The following FBN2 variants were observed in gnomAD, a reference collection of about 807,000 sequenced individuals.
FBN2 encodes the protein fibrillin-2.
A neutral mutation model predicts 355.6 loss-of-function variants in FBN2; 105 were observed. The ratio of observed to expected loss-of-function variants is 0.30; its 90% CI spans 0.25 to 0.35. The LOEUF is 0.35. Among genes scored for constraint, FBN2 ranks in the 10% least tolerant of loss-of-function variants. The pLI, the probability that FBN2 is intolerant of heterozygous loss-of-function variation, is 1.00. For synonymous variants in FBN2, 1,350 were observed against 1,301.2 expected, an observed-to-expected ratio of 1.04 and a Z score of -0.81; for missense variants, 3,280 against 3,758.7, an observed-to-expected ratio of 0.87 and a Z score of 3.33.
chr5:128,490,376 G>A (rs568341554), intron 5 of FBN2, among the ~76,000 whole-genome samples: 1 of 152,106 alleles, frequency 6.6e-6, no homozygotes, highest in Non-Finnish European at 1.5e-5. Context: ...ATAAATCATG[G>A]AAGCCACAGC....
At chr5:128,476,657 G>T (rs1755011852) in intron 5 of FBN2, among the ~76,000 whole-genome samples, 2 of 151,776 alleles carry the variant, frequency 1.3e-5, no homozygotes, top group Admixed American at 1.3e-4. Flanking sequence ...ATTTGACAGA[G>T]CAAGTAGACA....
intron 5 of FBN2, among the ~76,000 whole-genome samples, chr5:128,479,204 C>T (rs1032050090): frequency 3.3e-5 from 5 of 152,062 alleles, no homozygotes; most frequent in South Asian, 2.1e-4. Context: ...ACTATTTGTA[C>T]GCAATTACAG....
Position 128,393,243 on chromosome 5 carries a change from GGCCATA to G in FBN2, c.1351_1356del (p.Tyr451_Gly452del), listed in dbSNP as rs730880109. 8 of 1,613,984 alleles carry G rather than the reference GGCCATA, an allele frequency of 5.0e-6. No individual in the cohort carries two copies. The highest frequency in any genetic ancestry group is 6.8e-6 in the Non-Finnish European group (8 of 1,180,030). ...ATGGGGATGAAGCCTGTCCCTCCTG[GGCCATA>G]GCCATTGCCATTGCCACTTGGGGCA... is the stretch of plus-strand genomic sequence containing the variant. On this transcript the variant is annotated inframe_deletion, in exon 10 of 65. Coordinates refer to ENST00000262464, the MANE Select transcript of FBN2 (RefSeq NM_001999.4).
chr5:128,490,608 C>T (rs898628552), intron 5 of FBN2, among the ~76,000 whole-genome samples: 1 of 152,108 alleles, frequency 6.6e-6, no homozygotes, highest in Non-Finnish European at 1.5e-5. Flanking sequence ...GTTTATGTCC[C>T]CAAGGGACAC....
At chr5:128,434,400 A>ATATATATGTG (rs1208605065) in intron 7 of FBN2, among the ~76,000 whole-genome samples, 5 of 71,524 alleles carry the variant, frequency 7.0e-5, no homozygotes, top group Non-Finnish European at 1.1e-4. Flanking sequence ...GTGTGTATAT[A>ATATATATGTG]TATATATATA....
At chr5:128,290,522 A>T (rs962187407) in intron 50 of FBN2, among the ~76,000 whole-genome samples, 7 of 152,226 alleles carry the variant, frequency 4.6e-5, no homozygotes, top group Admixed American at 1.3e-4. Flanking sequence ...GGAATGAAAT[A>T]AAAGGGTAAC....
chr5:128,357,167 A>T (rs776015921), intron 20 of FBN2, 109 bp downstream of exon 20: 26 of 1,365,904 alleles, frequency 1.9e-5, no homozygotes, highest in Non-Finnish European at 2.7e-5. Flanking sequence ...CATAATGTGT[A>T]ATTCTTTGCT....
intron 5 of FBN2, among the ~76,000 whole-genome samples, chr5:128,513,007 T>A (rs1361799787): frequency 6.6e-6 from 1 of 152,174 alleles, no homozygotes; most frequent in East Asian, 1.9e-4. Context: ...TAAAGTTACA[T>A]AGGTTTTAAT....
chr5:128,472,198 T>C (rs1754878612), intron 5 of FBN2, among the ~76,000 whole-genome samples: 1 of 152,202 alleles, frequency 6.6e-6, no homozygotes, highest in Non-Finnish European at 1.5e-5. Context: ...AAGAAAATTC[T>C]GACACATGTT....
At chr5:128,485,380 G>T (rs1755310976) in intron 5 of FBN2, among the ~76,000 whole-genome samples, 1 of 152,046 alleles carries the variant, frequency 6.6e-6, no homozygotes, top group African/African-American at 2.4e-5. Flanking sequence ...TGTGAAAAAT[G>T]AAAAATAATC....
intron 56 of FBN2, among the ~76,000 whole-genome samples, chr5:128,279,086 T>C (rs1339878407): frequency 6.6e-6 from 1 of 152,160 alleles, no homozygotes; most frequent in Non-Finnish European, 1.5e-5. Context: ...TTTCCTCCAA[T>C]CCATTGCCAA....
At position 128,392,873 on chromosome 5, in the gene FBN2, C is replaced by T. The variant is rs572999922; in HGVS notation, c.1465+262G>A. Among the ~76,000 whole-genome samples, 45 of 152,232 alleles carry T rather than the reference C, an allele frequency of 3.0e-4. 1 individual carries two copies. The Middle Eastern group carries it at 0.017, about 58-fold the overall frequency. On this transcript the variant is annotated intron_variant, in intron 10 of 64. Transcript: ENST00000262464. ...TGTATTTGCGAAGACCTGGGTCACA[C>T]ATTCTTTTCTCTAATTTAACAGAAA...
rs1207395514 is a variant in FBN2, at chr5:128,392,055, G to A, written c.1566C>T (p.Asn522=). ...PTVSSYRCEC[N]MGYKQDANGD... ...CATTTGCATCCTGCTTATAACCCAT[G>A]TTGCATTCACATCGGTAGCTTGAGA... Residue 522 remains asparagine (N), a synonymous_variant, in exon 11 of 65, where the codon AAC becomes AAT. Coordinates refer to ENST00000262464, the MANE Select transcript of FBN2 (RefSeq NM_001999.4). 2.5e-6 allele frequency: 4 copies of A among 1,613,632 alleles called. No individual in the cohort carries two copies. Among genetic ancestry groups the A allele is most frequent in the Admixed American group, 3.3e-5 (2 of 59,992 alleles).
chr5:128,452,228 C>G (rs1053077105), intron 6 of FBN2, among the ~76,000 whole-genome samples: 8 of 152,142 alleles, frequency 5.3e-5, no homozygotes, highest in Non-Finnish European at 8.8e-5. Context: ...GATTAATTCT[C>G]CAATGACCAG....
Position 128,286,721 on chromosome 5 carries a change from C to T in FBN2, c.7009G>A (p.Val2337Ile), listed in dbSNP as rs773347210. 5 of 1,614,098 alleles carry T rather than the reference C, an allele frequency of 3.1e-6. No homozygotes were observed. The South Asian group carries it at 5.5e-5, about 18-fold the overall frequency. ...MARRPDGEGCVDENECRTKPG... is the reference protein window; with the variant it reads ...MARRPDGEGCIDENECRTKPG... ...GACACCTTCCCTTACCGCTTACCTACACAGCCTTCTCCATCGGGCCTTCGG... is the reference window on the plus strand; with the variant it reads ...GACACCTTCCCTTACCGCTTACCTATACAGCCTTCTCCATCGGGCCTTCGG... Residue 2337 changes from valine to isoleucine, a missense_variant, in exon 55 of 65, where the codon GTA becomes ATA. Physicochemically the swap from Val to Ile is conservative, Grantham distance 29. Coordinates refer to ENST00000262464, the MANE Select transcript of FBN2 (RefSeq NM_001999.4).
intron 1 of FBN2, 114 bp downstream of exon 1, chr5:128,537,236 G>A: frequency 6.7e-7 from 1 of 1,494,902 alleles, no homozygotes; most frequent in Non-Finnish European, 8.9e-7. Context: ...GGGGGCTGCA[G>A]CTCTAGGCTC....
chr5:128,310,202 T>G, intron 39 of FBN2, 94 bp from the exon 40 acceptor site: 9 of 1,071,700 alleles, frequency 8.4e-6, no homozygotes, highest in Non-Finnish European at 1.3e-5. Flanking sequence ...GGTGATTCTC[T>G]AAATCCCCAT....
chr5:128,296,930 A>C (rs1469602863), intron 48 of FBN2, among the ~76,000 whole-genome samples: 2 of 152,166 alleles, frequency 1.3e-5, no homozygotes, highest in East Asian at 1.9e-4. Context: ...TTGTGATGTT[A>C]GGGTGTCAAT....
At chr5:128,409,091 G>A (rs1753003965) in intron 7 of FBN2, among the ~76,000 whole-genome samples, 1 of 152,012 alleles carries the variant, frequency 6.6e-6, no homozygotes, top group Non-Finnish European at 1.5e-5. Context: ...CAATGTTTTA[G>A]TTTCCATTCT....
Sources: gnomAD v4.1 joint callset for allele counts (sites outside exome capture counted in the v4.1 genomes callset) on GRCh38, gnomAD v4.1.1 for gene constraint, MANE v1.5 for transcripts, NCBI Gene and HGNC (gene_info 2026-07-23, HGNC 2026-07-21) for gene names.